The following GPC6 variants were observed in gnomAD, a reference collection of about 807,000 sequenced individuals.
GPC6 encodes the protein glypican-6.
A neutral mutation model predicts 55.2 loss-of-function variants in GPC6; 14 were observed. The observed-to-expected ratio is 0.25, with a 90% CI of 0.17 to 0.40. The LOEUF (loss-of-function observed/expected upper bound fraction) is 0.40. Ranked by LOEUF, GPC6 falls within the 10% of genes least tolerant of loss-of-function variation. GPC6 has a pLI of 1.00. For missense variants in GPC6, 641 were observed against 708.5 expected, an observed-to-expected ratio of 0.90 and a Z score of 1.08; for synonymous variants, 278 against 259.6, an observed-to-expected ratio of 1.07 and a Z score of -0.68.
intron 1 of GPC6, among the ~76,000 whole-genome samples, chr13:93,488,700 T>G (rs1423763585): frequency 1.3e-5 from 2 of 152,196 alleles, no homozygotes; most frequent in Non-Finnish European, 2.9e-5. Context: ...TGGTTTTGAT[T>G]TGCATTTCTC....
At chr13:94,348,434 G>A (rs1455368799) in intron 6 of GPC6, among the ~76,000 whole-genome samples, 1 of 152,190 alleles carries the variant, frequency 6.6e-6, no homozygotes, top group Non-Finnish European at 1.5e-5. Flanking sequence ...GAGGCCTGAG[G>A]TGAGGACCGA....
chr13:93,580,649 T>A (rs1343421497), intron 2 of GPC6, among the ~76,000 whole-genome samples: 1 of 152,186 alleles, frequency 6.6e-6, no homozygotes, highest in Non-Finnish European at 1.5e-5. Flanking sequence ...ATTTTACTCC[T>A]GAGAACAAAC....
chr13:93,746,253 G>A (rs143540859), intron 2 of GPC6, among the ~76,000 whole-genome samples: 5 of 152,202 alleles, frequency 3.3e-5, no homozygotes, highest in Non-Finnish European at 5.9e-5. Context: ...GGTGAGGCAG[G>A]AAGTGCCAGT....
At chr13:93,485,499 T>A (rs1879672428) in intron 1 of GPC6, among the ~76,000 whole-genome samples, 2 of 152,208 alleles carry the variant, frequency 1.3e-5, no homozygotes, top group Admixed American at 6.5e-5. Context: ...ATAGTCTTGT[T>A]TATGCTATTT....
At chr13:94,291,853 A>C (rs2139093360) in intron 5 of GPC6, among the ~76,000 whole-genome samples, 1 of 152,230 alleles carries the variant, frequency 6.6e-6, no homozygotes, top group East Asian at 1.9e-4. Flanking sequence ...CCAGAAGCTA[A>C]CTCCTAATTA....
intron 4 of GPC6, among the ~76,000 whole-genome samples, chr13:94,222,123 C>T (rs1890403784): frequency 6.6e-6 from 1 of 151,888 alleles, no homozygotes; most frequent in Non-Finnish European, 1.5e-5. Flanking sequence ...CATCCATTAC[C>T]ATTAAGATTA....
chr13:93,369,106 A>C (rs1881363369), intron 1 of GPC6, among the ~76,000 whole-genome samples: 2 of 152,022 alleles, frequency 1.3e-5, no homozygotes, highest in Non-Finnish European at 2.9e-5. Context: ...GGGGTGCCTC[A>C]TTATTGGTGG....
chr13:93,720,569 G>C (rs939529395), intron 2 of GPC6, among the ~76,000 whole-genome samples: 1 of 151,846 alleles, frequency 6.6e-6, no homozygotes, highest in African/African-American at 2.4e-5. Context: ...ATCTCCTTCA[G>C]TTCTTCTCTG....
chr13:94,145,565 A>G (rs1887533688), intron 4 of GPC6, among the ~76,000 whole-genome samples: 1 of 151,868 alleles, frequency 6.6e-6, no homozygotes, highest in East Asian at 1.9e-4. Flanking sequence ...GAAAAAGAAA[A>G]AAAATGGTAG....
chr13:94,281,947 G>T (rs1427611946), intron 4 of GPC6, among the ~76,000 whole-genome samples: 1 of 152,148 alleles, frequency 6.6e-6, no homozygotes, highest in Non-Finnish European at 1.5e-5. Flanking sequence ...AATCAGAGGG[G>T]ACATCATAAA....
intron 1 of GPC6, among the ~76,000 whole-genome samples, chr13:93,366,207 T>C (rs2139184988): frequency 6.6e-6 from 1 of 152,242 alleles, no homozygotes; most frequent in African/African-American, 2.4e-5. Context: ...TAGCAGTCTG[T>C]AAATTTACAT....
chr13:94,033,750 A>G (rs1441309894), intron 4 of GPC6, among the ~76,000 whole-genome samples: 1 of 152,210 alleles, frequency 6.6e-6, no homozygotes, highest in Non-Finnish European at 1.5e-5. Flanking sequence ...ATGTTACAAA[A>G]ACCTCTAGAA....
chr13:93,300,687 A>C (rs866318861), intron 1 of GPC6, among the ~76,000 whole-genome samples: 26 of 150,480 alleles, frequency 1.7e-4, no homozygotes, highest in African/African-American at 5.1e-4. Context: ...GGCCAAGAGT[A>C]GAGACAATAG....
At chr13:93,785,181 A>G (rs79606074) in intron 2 of GPC6, among the ~76,000 whole-genome samples, 6,617 of 152,266 alleles carry the variant, frequency 0.043, 183 homozygotes, top group South Asian at 0.066. Context: ...ATCTGGCAGC[A>G]TCAGAAAACT....
chr13:93,887,557 A>T (rs757369151), intron 3 of GPC6, among the ~76,000 whole-genome samples: 1 of 152,110 alleles, frequency 6.6e-6, no homozygotes, highest in African/African-American at 2.4e-5. Context: ...ACCTCTTATC[A>T]GTGCAGATAG....
At chr13:93,849,357 G>C (rs1301257631) in intron 3 of GPC6, among the ~76,000 whole-genome samples, 1 of 152,034 alleles carries the variant, frequency 6.6e-6, no homozygotes, top group Non-Finnish European at 1.5e-5. Context: ...TCTCACAAAA[G>C]AGATAAAATT....
chr13:93,393,017 G>A (rs1412702563), intron 1 of GPC6, among the ~76,000 whole-genome samples: 1 of 151,284 alleles, frequency 6.6e-6, no homozygotes, highest in Non-Finnish European at 1.5e-5. Flanking sequence ...TTTCTATGCT[G>A]CCTAATCATT....
chr13:93,693,040 T>G (rs1487197107), intron 2 of GPC6, among the ~76,000 whole-genome samples: 1 of 151,958 alleles, frequency 6.6e-6, no homozygotes, highest in Non-Finnish European at 1.5e-5. Flanking sequence ...AAAAAAATAA[T>G]AAAGGACTAT....
At chr13:93,671,022 A>C (rs1368169721) in intron 2 of GPC6, among the ~76,000 whole-genome samples, 1 of 152,138 alleles carries the variant, frequency 6.6e-6, no homozygotes, top group East Asian at 1.9e-4. Flanking sequence ...TTGGCAAAGC[A>C]AGGGATCTTT....
Sources: gnomAD v4.1 joint callset for allele counts (sites outside exome capture counted in the v4.1 genomes callset) on GRCh38, gnomAD v4.1.1 for gene constraint, MANE v1.5 for transcripts, NCBI Gene and HGNC (gene_info 2026-07-23, HGNC 2026-07-21) for gene names.